RPS6KA2: variants seen among roughly 807,000 people sequenced by gnomAD.
The protein encoded by RPS6KA2 is ribosomal protein S6 kinase A2.
A neutral mutation model predicts 91.8 loss-of-function variants in RPS6KA2; 42 were observed. That is an observed-to-expected ratio of 0.46 (90% CI 0.36 to 0.59). The LOEUF is 0.59. Among genes scored for constraint, RPS6KA2 ranks in the 20% least tolerant of loss-of-function variants. The pLI is 0.00. For synonymous variants in RPS6KA2, 414 were observed against 393.6 expected (o/e 1.05, Z -0.61); for missense variants, 798 against 978.5 (o/e 0.82, Z 2.46).
chr6:166,517,499 C>T (rs986278628), intron 3 of RPS6KA2, among the ~76,000 whole-genome samples: 7 of 122,732 alleles, frequency 5.7e-5, no homozygotes, highest in South Asian at 2.6e-4. Context: ...GACGGAGTCT[C>T]GCTCTGTCGC....
chr6:166,522,043 G>A (rs994752251), intron 3 of RPS6KA2, among the ~76,000 whole-genome samples: 3 of 152,150 alleles, frequency 2.0e-5, no homozygotes, highest in African/African-American at 7.2e-5. Context: ...GCCCTCCCCA[G>A]GCACAAAATC....
At chr6:166,488,528 G>C (rs1781487239) in intron 10 of RPS6KA2, among the ~76,000 whole-genome samples, 1 of 152,236 alleles carries the variant, frequency 6.6e-6, no homozygotes, top group African/African-American at 2.4e-5. Context: ...TTAGCTTAGA[G>C]ACTTTCAAAA....
intron 1 of RPS6KA2, among the ~76,000 whole-genome samples, chr6:166,606,799 C>T (rs1322782261): frequency 2.0e-5 from 3 of 152,116 alleles, no homozygotes; most frequent in African/African-American, 7.2e-5. Flanking sequence ...CCACTTCATA[C>T]CCACCAGGAT....
intron 2 of RPS6KA2, among the ~76,000 whole-genome samples, chr6:166,731,099 G>A (rs546193181): frequency 2.3e-4 from 35 of 152,224 alleles, no homozygotes; most frequent in African/African-American, 7.7e-4. Flanking sequence ...AAAATTAGCC[G>A]GGCGTGCTGG....
chr6:166,464,736 C>G (rs1484202031), intron 11 of RPS6KA2, among the ~76,000 whole-genome samples: 1 of 152,250 alleles, frequency 6.6e-6, no homozygotes, highest in Non-Finnish European at 1.5e-5. Context: ...ATCTGCTGGA[C>G]TCTGCCGTAT....
intron 10 of RPS6KA2, among the ~76,000 whole-genome samples, chr6:166,473,679 T>C (rs1332180419): frequency 6.6e-6 from 1 of 152,212 alleles, no homozygotes; most frequent in Admixed American, 6.5e-5. Context: ...GGTTAATTCA[T>C]GGTTTGGGAC....
At chr6:166,545,732 G>T (rs1190139676) in intron 1 of RPS6KA2, among the ~76,000 whole-genome samples, 1 of 152,088 alleles carries the variant, frequency 6.6e-6, no homozygotes, top group African/African-American at 2.4e-5. Flanking sequence ...ATTGCCTGTT[G>T]TTCCCGTGGA....
At chr6:166,432,613 AC>A (rs1166902528) in intron 14 of RPS6KA2, 123 bp from the exon 15 acceptor site, 3 of 593,994 alleles carry the variant, frequency 5.1e-6, no homozygotes, top group African/African-American at 1.9e-5. Flanking sequence ...ACAATCTCAC[AC>A]CCGACCAAGA....
intron 1 of RPS6KA2, among the ~76,000 whole-genome samples, chr6:166,608,320 T>C (rs1175611701): frequency 6.6e-6 from 1 of 152,200 alleles, no homozygotes; most frequent in Non-Finnish European, 1.5e-5. Context: ...TATAGAACAG[T>C]CTAGAAGTTG....
chr6:166,834,830 ATTAT>A (rs34377390), intron 2 of RPS6KA2, among the ~76,000 whole-genome samples: 18,918 of 65,334 alleles, frequency 0.29, 1,395 homozygotes, highest in Admixed American at 0.36. Context: ...ATGGCGTCCT[ATTAT>A]TTATTTATTT....
At chr6:166,730,881 T>G (rs781206112) in intron 2 of RPS6KA2, among the ~76,000 whole-genome samples, 1 of 152,126 alleles carries the variant, frequency 6.6e-6, no homozygotes, top group Non-Finnish European at 1.5e-5. Context: ...AGTCATCCGG[T>G]TGAGGTGGTT....
At position 166,603,634 on chromosome 6, in the gene RPS6KA2, C is replaced by T. The variant is rs984946798; in HGVS notation, c.99+23287G>A. ...ACAGAAGATGCTTCCACCTGGGCAACACCTGTCATTGGGAGGGCATCGTGA... is the reference window on the plus strand; with the variant it reads ...ACAGAAGATGCTTCCACCTGGGCAATACCTGTCATTGGGAGGGCATCGTGA... On this transcript the variant is annotated intron_variant, in intron 1 of 20. Coordinates refer to ENST00000265678, the MANE Select transcript of RPS6KA2 (RefSeq NM_021135.6). The surrounding 1 kb of genome is among the most constrained non-coding windows in gnomAD (Gnocchi z 4.3). 3.3e-5 allele frequency among the ~76,000 whole-genome samples: 5 copies of T among 152,146 alleles called. No homozygotes were observed. Among genetic ancestry groups the T allele is most frequent in the African/African-American group, 1.2e-4 (5 of 41,430 alleles).
chr6:166,442,925 G>A (rs1207686340), intron 14 of RPS6KA2, among the ~76,000 whole-genome samples: 1 of 152,022 alleles, frequency 6.6e-6, no homozygotes, highest in Non-Finnish European at 1.5e-5. Context: ...GGGGTTAGAG[G>A]TACCGACCCC....
intron 2 of RPS6KA2, among the ~76,000 whole-genome samples, chr6:166,750,345 G>C (rs1791239117): frequency 6.6e-6 from 1 of 152,118 alleles, no homozygotes; most frequent in African/African-American, 2.4e-5. Context: ...GTTCTCACCA[G>C]CCTTGGAGGC....
chr6:166,836,954 G>A (rs1419243261), intron 2 of RPS6KA2, among the ~76,000 whole-genome samples: 7 of 152,128 alleles, frequency 4.6e-5, no homozygotes, highest in African/African-American at 1.4e-4. Context: ...CTTCAGTCCC[G>A]CTCGGGCACC....
upstream of RPS6KA2, chr6:166,627,302 CCAAT>C (rs1033123909): frequency 1.9e-3 from 1,662 of 863,058 alleles, 2 homozygotes; most frequent in Non-Finnish European, 2.1e-3. Context: ...ACCACTACCA[CCAAT>C]CAGCGCCCGC....
chr6:166,651,890 C>T (rs1787863708), intron 2 of RPS6KA2, among the ~76,000 whole-genome samples: 1 of 152,264 alleles, frequency 6.6e-6, no homozygotes, highest in South Asian at 2.1e-4. Flanking sequence ...GGTGCACACG[C>T]ACTGTGGACG....
At position 166,442,603 on chromosome 6, in the gene RPS6KA2, T is replaced by G. The variant is rs574986175; in HGVS notation, c.1332+6121A>C. On this transcript the variant is annotated intron_variant, in intron 14 of 20. Transcript: ENST00000265678. ...GTAACTCTCGTCACCATATTCTATC[T>G]AACGCCTGCAGCTCCTGGTCTCAGG... is the stretch of plus-strand genomic sequence containing the variant. 3.0e-4 allele frequency among the ~76,000 whole-genome samples: 46 copies of G among 152,302 alleles called. No individual in the cohort carries two copies. The South Asian group carries it at 8.3e-3, about 27-fold the overall frequency.
At chr6:166,848,683 A>G (rs548658194) in intron 2 of RPS6KA2, among the ~76,000 whole-genome samples, 170 of 152,284 alleles carry the variant, frequency 1.1e-3, no homozygotes, top group Middle Eastern at 3.4e-3. Flanking sequence ...GTTCTCACTC[A>G]TAATTGGGAG....
Sources: gnomAD v4.1 joint callset for allele counts (sites outside exome capture counted in the v4.1 genomes callset) on GRCh38, gnomAD v4.1.1 for gene constraint, Gnocchi (gnomAD v3.1) non-coding constraint, MANE v1.5 for transcripts, NCBI Gene and HGNC (gene_info 2026-07-23, HGNC 2026-07-21) for gene names.